Variants in PIP4K2A observed in about 807,000 individuals in gnomAD.
The protein encoded by PIP4K2A is phosphatidylinositol 5-phosphate 4-kinase type-2 alpha.
PIP4K2A carries 14 observed loss-of-function variants against 42.9 expected under a neutral mutation model. The ratio of observed to expected loss-of-function variants is 0.33; its 90% CI spans 0.22 to 0.51. PIP4K2A has a LOEUF of 0.51. Among genes scored for constraint, PIP4K2A ranks in the 20% least tolerant of loss-of-function variants. PIP4K2A has a pLI of 0.97. For missense variants in PIP4K2A, 434 were observed against 519.8 expected (o/e 0.83, Z 1.61); for synonymous variants, 192 against 192.2 (o/e 1.00, Z 0.01).
intron 1 of PIP4K2A, among the ~76,000 whole-genome samples, chr10:22,654,649 A>C (rs1175106227): frequency 6.6e-6 from 1 of 152,120 alleles, no homozygotes; most frequent in Non-Finnish European, 1.5e-5. Context: ...TTCCCAAGAA[A>C]GGGTCTGGTC....
At chr10:22,673,709 T>C (rs950926192) in intron 1 of PIP4K2A, among the ~76,000 whole-genome samples, 4 of 152,150 alleles carry the variant, frequency 2.6e-5, no homozygotes, top group Non-Finnish European at 5.9e-5. Flanking sequence ...AATAGGAAGA[T>C]AGAAAGCACT....
chr10:22,552,629 C>G (rs1435442861), intron 6 of PIP4K2A, among the ~76,000 whole-genome samples: 1 of 152,010 alleles, frequency 6.6e-6, no homozygotes, highest in Non-Finnish European at 1.5e-5. Flanking sequence ...TAACAAAACT[C>G]AGAGGGCAGT....
At chr10:22,711,938 TTTC>T (rs1453700469) in intron 1 of PIP4K2A, among the ~76,000 whole-genome samples, 1 of 152,202 alleles carries the variant, frequency 6.6e-6, no homozygotes, top group Non-Finnish European at 1.5e-5. Context: ...GAAACAGACC[TTTC>T]TTATGTCAAC....
intron 9 of PIP4K2A, 144 bp from the exon 10 acceptor site, chr10:22,537,425 A>T (rs1835965786): frequency 3.1e-6 from 2 of 645,990 alleles, no homozygotes; most frequent in Non-Finnish European, 5.4e-6. Flanking sequence ...TCTGAAAAAC[A>T]TCACTCAAAA....
At position 22,698,365 on chromosome 10, in the gene PIP4K2A, T is replaced by G. The variant is rs574122469; in HGVS notation, c.144+15818A>C. On this transcript the variant is annotated intron_variant, in intron 1 of 9. Coordinates refer to ENST00000376573, the MANE Select transcript of PIP4K2A (RefSeq NM_005028.5). Reference sequence around the variant, plus strand: ...TAGCCACACTGCTAGGGTTATAATCTGGTATAACCCTTTTTGAAAGCAACT... The same window carrying G: ...TAGCCACACTGCTAGGGTTATAATCGGGTATAACCCTTTTTGAAAGCAACT... Among the ~76,000 whole-genome samples, 4 of 152,372 alleles carry G rather than the reference T, an allele frequency of 2.6e-5. No homozygotes were observed. In the South Asian group the frequency reaches 6.2e-4, roughly 24 times the overall value.
At chr10:22,609,179 G>C (rs553731374) in intron 2 of PIP4K2A, among the ~76,000 whole-genome samples, 4 of 152,322 alleles carry the variant, frequency 2.6e-5, no homozygotes, top group African/African-American at 9.6e-5. Flanking sequence ...ACATTCAAAT[G>C]AAGGAGGAAT....
chr10:22,653,260 G>C (rs570168640), intron 1 of PIP4K2A, among the ~76,000 whole-genome samples: 5 of 152,148 alleles, frequency 3.3e-5, no homozygotes, highest in Admixed American at 1.3e-4. Flanking sequence ...CCTCAGGTGG[G>C]GGGCAGTACG....
intron 1 of PIP4K2A, among the ~76,000 whole-genome samples, chr10:22,640,725 G>A (rs949026019): frequency 1.3e-5 from 2 of 152,008 alleles, no homozygotes; most frequent in African/African-American, 2.4e-5. Context: ...GAATCTAAAC[G>A]GGGTGATTGA....
chr10:22,588,535 TCTTC>T (rs1182219258), intron 4 of PIP4K2A, among the ~76,000 whole-genome samples: 1 of 152,216 alleles, frequency 6.6e-6, no homozygotes, highest in Admixed American at 6.5e-5. Flanking sequence ...TCTTTCTGCC[TCTTC>T]CTTTTCTTTT....
chr10:22,679,470 A>T (rs1839621178), intron 1 of PIP4K2A, among the ~76,000 whole-genome samples: 1 of 152,218 alleles, frequency 6.6e-6, no homozygotes. Flanking sequence ...TGCTAGTAAG[A>T]ATGTAAAATT....
chr10:22,710,530 G>A (rs531439140), intron 1 of PIP4K2A, among the ~76,000 whole-genome samples: 3 of 152,178 alleles, frequency 2.0e-5, no homozygotes, highest in East Asian at 1.9e-4. Context: ...TACAGGAACC[G>A]TTCATTCCCT....
intron 1 of PIP4K2A, among the ~76,000 whole-genome samples, chr10:22,651,678 A>G (rs996830433): frequency 6.6e-6 from 1 of 152,206 alleles, no homozygotes; most frequent in Non-Finnish European, 1.5e-5. Flanking sequence ...TGGTATTTGT[A>G]TGATGTATCT....
chr10:22,603,655 C>T (rs1323057877), intron 3 of PIP4K2A, among the ~76,000 whole-genome samples: 1 of 152,132 alleles, frequency 6.6e-6, no homozygotes, highest in Non-Finnish European at 1.5e-5. Context: ...ACGGCTAGCA[C>T]AGAGCCTGAC....
intron 1 of PIP4K2A, among the ~76,000 whole-genome samples, chr10:22,667,222 A>G (rs1839367909): frequency 6.6e-6 from 1 of 152,258 alleles, no homozygotes; most frequent in Non-Finnish European, 1.5e-5. Flanking sequence ...TTGATCAAGT[A>G]GCAAGGAAAT....
chr10:22,630,174 C>CAA (rs1172702333), intron 1 of PIP4K2A, among the ~76,000 whole-genome samples: 8,743 of 102,414 alleles, frequency 0.085, 399 homozygotes, highest in African/African-American at 0.17. Flanking sequence ...TTCATGACTA[C>CAA]AAAAAAAAAA....
intron 1 of PIP4K2A, among the ~76,000 whole-genome samples, chr10:22,658,486 T>G (rs952320716): frequency 1.9e-4 from 29 of 152,160 alleles, no homozygotes; most frequent in Non-Finnish European, 1.0e-4. Flanking sequence ...ACAAATAAAT[T>G]AAAAAGTAAA....
chr10:22,614,714 G>A (rs991620989), intron 1 of PIP4K2A, among the ~76,000 whole-genome samples: 10 of 152,156 alleles, frequency 6.6e-5, no homozygotes, highest in Non-Finnish European at 1.0e-4. Context: ...GCGATCATTC[G>A]TCAGTTTTAC....
chr10:22,699,086 A>AT (rs1331545779), intron 1 of PIP4K2A, among the ~76,000 whole-genome samples: 2 of 152,116 alleles, frequency 1.3e-5, no homozygotes. Context: ...CTCCTAACCT[A>AT]TTTTTTTAAT....
chr10:22,573,722 A>G (rs1412477918), intron 4 of PIP4K2A, among the ~76,000 whole-genome samples: 2 of 152,226 alleles, frequency 1.3e-5, no homozygotes, highest in Non-Finnish European at 2.9e-5. Flanking sequence ...AACCTTGGAT[A>G]TGATCGTGTA....
Sources: gnomAD v4.1 joint callset for allele counts (sites outside exome capture counted in the v4.1 genomes callset) on GRCh38, gnomAD v4.1.1 for gene constraint, MANE v1.5 for transcripts, NCBI Gene and HGNC (gene_info 2026-07-23, HGNC 2026-07-21) for gene names.